Variants in ROCK1 observed in about 807,000 individuals in gnomAD.
The protein encoded by ROCK1 is Rho associated coiled-coil containing protein kinase 1.
ROCK1 carries 36 observed loss-of-function variants against 196.8 expected under a neutral mutation model. That is an observed-to-expected ratio of 0.18 (90% confidence interval 0.14 to 0.24). ROCK1 has a LOEUF of 0.24. Ranked by LOEUF, ROCK1 falls within the 10% of genes least tolerant of loss-of-function variation. The pLI, the probability that ROCK1 is intolerant of heterozygous loss-of-function variation, is 1.00. For synonymous variants in ROCK1, 443 were observed against 515.9 expected, an observed-to-expected ratio of 0.86 and a Z score of 1.91; for missense variants, 920 against 1,562.0, an observed-to-expected ratio of 0.59 and a Z score of 6.93.
Position 21,070,517 on chromosome 18 carries a change from CA to C in ROCK1, c.175+14del. ...ATATGAAGTCTGTCATTAACCTCCA[CA>C]AAAAATTACTTACATCTGCTTAAAA... On this transcript the variant is annotated intron_variant, in intron 2 of 32. Coordinates refer to ENST00000399799, the MANE Select transcript of ROCK1 (RefSeq NM_005406.3). 2 of 1,478,136 alleles carry C rather than the reference CA, an allele frequency of 1.4e-6. No homozygotes were observed. Among genetic ancestry groups the C allele is most frequent in the Admixed American group, 3.5e-5 (2 of 56,406 alleles). 91.6% of individuals were successfully genotyped at this position (1,478,136 alleles called of 1,614,324 possible). A position where few individuals can be genotyped will look rare whatever the true frequency, so the allele number is the denominator to read the frequency against.
At chr18:20,978,798 G>A (rs1440496271) in intron 22 of ROCK1, among the ~76,000 whole-genome samples, 5 of 152,198 alleles carry the variant, frequency 3.3e-5, no homozygotes, top group African/African-American at 1.2e-4. Context: ...TTAGGAGGTG[G>A]GATATAGTGG....
chr18:21,018,751 A>G (rs1333083155), intron 12 of ROCK1, among the ~76,000 whole-genome samples: 1 of 152,200 alleles, frequency 6.6e-6, no homozygotes, highest in Non-Finnish European at 1.5e-5. Flanking sequence ...TGAGAATTTT[A>G]TCTGTTTTGT....
intron 10 of ROCK1, among the ~76,000 whole-genome samples, chr18:21,028,076 G>A (rs867596770): frequency 8.1e-5 from 12 of 148,956 alleles, no homozygotes; most frequent in Admixed American, 2.0e-4. Context: ...AATTTTTGAA[G>A]AGCTAAAAAT....
chr18:20,986,171 G>GTT (rs1176798342), intron 19 of ROCK1, among the ~76,000 whole-genome samples: 2 of 152,052 alleles, frequency 1.3e-5, no homozygotes, highest in Non-Finnish European at 2.9e-5. Flanking sequence ...ACCCATGGAA[G>GTT]TTTTAAAGAG....
At chr18:21,029,195 A>G (rs537289487) in intron 9 of ROCK1, among the ~76,000 whole-genome samples, 7 of 152,156 alleles carry the variant, frequency 4.6e-5, no homozygotes, top group South Asian at 2.1e-4. Flanking sequence ...GACTATTACA[A>G]ATCAAGTATT....
rs995488453 is a variant in ROCK1, at chr18:21,111,651, C to G, written c.-741G>C. ...GCGAAGAGGAAGACGATAGTTGGGT[C>G]CCGGCGGCTGCTGATGGGGGAGCTT... On this transcript the variant is annotated 5_prime_UTR_variant, in exon 1 of 33. Coordinates refer to ENST00000399799, the MANE Select transcript of ROCK1 (RefSeq NM_005406.3). This position sits in a 1 kb window ranked among gnomAD's most constrained non-coding sequence, Gnocchi z 4.2. The G allele has an allele frequency of 5.2e-5, 8 of 153,740 alleles. No individual in the cohort carries two copies. The highest frequency in any genetic ancestry group is 1.9e-4 in the African/African-American group (8 of 41,472). The allele number at this position is 153,740 out of a possible 1,614,324, so 9.5% of individuals were successfully genotyped here.
At chr18:21,080,581 TC>T (rs1397078208) in intron 1 of ROCK1, among the ~76,000 whole-genome samples, 1 of 152,040 alleles carries the variant, frequency 6.6e-6, no homozygotes, top group Non-Finnish European at 1.5e-5. Flanking sequence ...AACACCATGA[TC>T]CAACTATATG....
chr18:21,048,844 C>A (rs2143516456), intron 4 of ROCK1, among the ~76,000 whole-genome samples: 1 of 152,206 alleles, frequency 6.6e-6, no homozygotes. Flanking sequence ...GCCATCACGC[C>A]CAGCACAAAT....
At chr18:21,004,142 A>G (rs568727619) in intron 16 of ROCK1, among the ~76,000 whole-genome samples, 2 of 152,310 alleles carry the variant, frequency 1.3e-5, no homozygotes, top group East Asian at 3.9e-4. Flanking sequence ...AGGTACTGGC[A>G]AACATCAGGG....
intron 1 of ROCK1, among the ~76,000 whole-genome samples, chr18:21,100,716 G>A (rs928895282): frequency 6.6e-6 from 1 of 152,148 alleles, no homozygotes; most frequent in African/African-American, 2.4e-5. Context: ...GATCTCAGAA[G>A]GAGACTGCAT....
At chr18:21,027,549 A>G (rs2035969442) in intron 10 of ROCK1, among the ~76,000 whole-genome samples, 1 of 152,130 alleles carries the variant, frequency 6.6e-6, no homozygotes, top group African/African-American at 2.4e-5. Context: ...GCCCTCTTCT[A>G]AGTGCTGTAC....
chr18:21,076,704 C>CACACAG (rs1388445962), intron 1 of ROCK1, among the ~76,000 whole-genome samples: 6 of 150,190 alleles, frequency 4.0e-5, no homozygotes, highest in Admixed American at 2.6e-4. Flanking sequence ...CACACACACA[C>CACACAG]AGAGCCATAA....
intron 2 of ROCK1, among the ~76,000 whole-genome samples, chr18:21,063,159 T>C (rs2036306165): frequency 6.6e-6 from 1 of 152,148 alleles, no homozygotes; most frequent in African/African-American, 2.4e-5. Context: ...ACAGCATTAA[T>C]CCATTCATGG....
intron 1 of ROCK1, among the ~76,000 whole-genome samples, chr18:21,073,287 A>G (rs2036403013): frequency 6.6e-6 from 1 of 152,160 alleles, no homozygotes; most frequent in South Asian, 2.1e-4. Context: ...ATAATCAATT[A>G]AAAGTATAAC....
intron 1 of ROCK1, among the ~76,000 whole-genome samples, chr18:21,109,553 T>C (rs2036731629): frequency 6.6e-6 from 1 of 152,218 alleles, no homozygotes. Context: ...CTATTACGCA[T>C]CAACCTTCTT....
chr18:21,024,029 T>G (rs2035936475), intron 10 of ROCK1, among the ~76,000 whole-genome samples: 1 of 152,168 alleles, frequency 6.6e-6, no homozygotes, highest in Non-Finnish European at 1.5e-5. Flanking sequence ...GACAGGTTTT[T>G]CCACCAAACA....
chr18:21,026,396 A>G (rs1256374837), intron 10 of ROCK1, among the ~76,000 whole-genome samples: 1 of 144,606 alleles, frequency 6.9e-6, no homozygotes, highest in Admixed American at 7.1e-5. Context: ...GTGAGCCGAG[A>G]TCGTGCCATT....
chr18:21,047,436 T>C (rs543749215), intron 4 of ROCK1, among the ~76,000 whole-genome samples: 7 of 152,262 alleles, frequency 4.6e-5, no homozygotes, highest in African/African-American at 7.2e-5. Flanking sequence ...AAAATGTCAA[T>C]AGTATTAAGC....
chr18:20,997,355 C>T (rs1291234747), intron 16 of ROCK1, among the ~76,000 whole-genome samples: 1 of 152,048 alleles, frequency 6.6e-6, no homozygotes, highest in Non-Finnish European at 1.5e-5. Flanking sequence ...ATACTTGTAT[C>T]AGACAAAATA....
Sources: allele counts gnomAD v4.1 joint callset (sites outside exome capture counted in the v4.1 genomes callset), GRCh38; gene constraint gnomAD v4.1.1; non-coding constraint Gnocchi (gnomAD v3.1); transcripts MANE v1.5; gene names NCBI Gene and HGNC (gene_info 2026-07-23, HGNC 2026-07-21).